PTCHD4: variants seen among roughly 807,000 people sequenced by gnomAD.
PTCHD4 encodes patched domain containing 4, also known as patched domain-containing protein 4.
Under a neutral mutation model 58.1 loss-of-function variants are expected in PTCHD4, and 33 were observed. The ratio of observed to expected loss-of-function variants is 0.57; its 90% CI spans 0.43 to 0.76. The LOEUF is 0.76. PTCHD4 is among the 30% of genes least tolerant of loss of function. The pLI is 0.00. For synonymous variants in PTCHD4, 478 were observed against 409.6 expected (o/e 1.17, Z -2.02); for missense variants, 1,058 against 1,027.1 (o/e 1.03, Z -0.41).
At chr6:47,892,323 A>T (rs1180817381) in intron 4 of PTCHD4, among the ~76,000 whole-genome samples, 3 of 152,262 alleles carry the variant, frequency 2.0e-5, no homozygotes, top group Non-Finnish European at 4.4e-5. Context: ...AAGAACTTGC[A>T]GAAATAACAA....
intron 4 of PTCHD4, among the ~76,000 whole-genome samples, chr6:47,957,240 G>A (rs1294688544): frequency 6.8e-6 from 1 of 147,434 alleles, no homozygotes; most frequent in African/African-American, 2.5e-5. Context: ...AGAGTATGAT[G>A]GTTAAGGTTT....
Position 47,992,395 on chromosome 6 carries a change from C to T in PTCHD4, c.898+16239G>A, listed in dbSNP as rs566118050. Reference sequence around the variant, plus strand: ...AACTGATTACCAGAAGACTTCCTTCCAATTTACATGTTATCACAAAAGATG... The same window carrying T: ...AACTGATTACCAGAAGACTTCCTTCTAATTTACATGTTATCACAAAAGATG... On this transcript the variant is annotated intron_variant, in intron 4 of 4. Transcript: ENST00000339488. 2.0e-5 allele frequency among the ~76,000 whole-genome samples: 3 copies of T among 152,180 alleles called. No individual in the cohort carries two copies. In the East Asian group the frequency reaches 5.8e-4, roughly 29 times the overall value.
intron 3 of PTCHD4, among the ~76,000 whole-genome samples, chr6:48,014,523 A>G (rs1327217515): frequency 1.3e-5 from 2 of 152,160 alleles, no homozygotes; most frequent in East Asian, 1.9e-4. Context: ...TCCTTAGTTC[A>G]TGGCTAATTC....
chr6:48,082,207 G>T (rs1305070561), intron 1 of PTCHD4, among the ~76,000 whole-genome samples: 1 of 152,168 alleles, frequency 6.6e-6, no homozygotes, highest in Admixed American at 6.5e-5. Context: ...GAGTTCAGGA[G>T]TCAGGAAATG....
chr6:47,993,996 T>C (rs1054356068), intron 4 of PTCHD4, among the ~76,000 whole-genome samples: 1 of 152,308 alleles, frequency 6.6e-6, no homozygotes, highest in South Asian at 2.1e-4. Flanking sequence ...TGCCTGACGA[T>C]GGCTGTAGAT....
chr6:48,052,395 T>C (rs568765811), intron 3 of PTCHD4, among the ~76,000 whole-genome samples: 1 of 151,928 alleles, frequency 6.6e-6, no homozygotes, highest in African/African-American at 2.4e-5. Context: ...ACTAGAAGAA[T>C]AACAAATAGC....
intron 4 of PTCHD4, among the ~76,000 whole-genome samples, chr6:47,903,526 G>T (rs9369754): frequency 6.6e-6 from 1 of 151,842 alleles, no homozygotes. Flanking sequence ...TGTTGCCTAG[G>T]CTAGTCTCAA....
At chr6:48,009,322 C>T (rs74667722) in intron 3 of PTCHD4, among the ~76,000 whole-genome samples, 1 of 152,214 alleles carries the variant, frequency 6.6e-6, no homozygotes, top group Non-Finnish European at 1.5e-5. Flanking sequence ...AGAAAATATG[C>T]AAAAAGTATT....
chr6:48,067,551 T>C (rs1764841800), intron 3 of PTCHD4, among the ~76,000 whole-genome samples: 1 of 152,114 alleles, frequency 6.6e-6, no homozygotes, highest in South Asian at 2.1e-4. Flanking sequence ...CCTACTACAT[T>C]CATAACTCAC....
At chr6:47,917,662 A>C (rs1285824171) in intron 4 of PTCHD4, among the ~76,000 whole-genome samples, 1 of 152,172 alleles carries the variant, frequency 6.6e-6, no homozygotes, top group East Asian at 1.9e-4. Flanking sequence ...AAAAGGTCTG[A>C]AATCTTACAA....
At chr6:47,972,705 T>C (rs1375049179) in intron 4 of PTCHD4, among the ~76,000 whole-genome samples, 2 of 152,070 alleles carry the variant, frequency 1.3e-5, no homozygotes, top group East Asian at 3.8e-4. Flanking sequence ...TTTATCCATC[T>C]ATCTTTTTGT....
chr6:47,991,118 G>T (rs557569264), intron 4 of PTCHD4, among the ~76,000 whole-genome samples: 1 of 152,198 alleles, frequency 6.6e-6, no homozygotes, highest in South Asian at 2.1e-4. Flanking sequence ...AAAGCTGATA[G>T]CTTTTTAGAT....
intron 4 of PTCHD4, among the ~76,000 whole-genome samples, chr6:47,888,588 C>G (rs1764271761): frequency 6.6e-6 from 1 of 152,012 alleles, no homozygotes; most frequent in Non-Finnish European, 1.5e-5. Flanking sequence ...ATAGTCTCAT[C>G]CAGAGTTTGC....
chr6:47,936,619 A>G (rs529800225), intron 4 of PTCHD4, among the ~76,000 whole-genome samples: 2 of 152,264 alleles, frequency 1.3e-5, no homozygotes, highest in South Asian at 2.1e-4. Flanking sequence ...TTCTATTTAT[A>G]AGACACAAAC....
intron 1 of PTCHD4, among the ~76,000 whole-genome samples, chr6:48,097,011 C>G (rs1378481684): frequency 1.3e-5 from 2 of 151,994 alleles, no homozygotes; most frequent in African/African-American, 4.8e-5. Flanking sequence ...CAATGTAAAT[C>G]TAGGTAAACT....
intron 4 of PTCHD4, among the ~76,000 whole-genome samples, chr6:47,925,181 A>ATATG (rs1554157235): frequency 9.5e-5 from 14 of 146,852 alleles, no homozygotes; most frequent in African/African-American, 3.5e-4. Context: ...TATTATATAT[A>ATATG]TGTGTGTGTG....
chr6:47,890,320 T>C (rs79680887), intron 4 of PTCHD4, among the ~76,000 whole-genome samples: 12,413 of 152,084 alleles, frequency 0.082, 637 homozygotes, highest in Non-Finnish European at 0.11. Context: ...AAGATTTTCA[T>C]ACTCAAAGTG....
At chr6:48,058,056 T>C (rs1050396997) in intron 3 of PTCHD4, among the ~76,000 whole-genome samples, 5 of 152,272 alleles carry the variant, frequency 3.3e-5, no homozygotes, top group South Asian at 2.1e-4. Flanking sequence ...TAATCTGTTA[T>C]AGTCACCAGA....
chr6:47,862,774 A>T lies in PTCHD4; in HGVS notation c.*15529T>A, dbSNP rs1763462209. ...CTGATTTCCACACAGACCCATTAAT[A>T]CTGTTTCCTTTGGAATTGTAATACT... On this transcript the variant is annotated 3_prime_UTR_variant, in exon 5 of 5. Transcript: ENST00000339488. 6.6e-6 allele frequency among the ~76,000 whole-genome samples: 1 copy of T among 151,882 alleles called. No individual in the cohort carries two copies. Among genetic ancestry groups the T allele is most frequent in the African/African-American group, 2.4e-5 (1 of 41,430 alleles).
Sources: allele counts gnomAD v4.1 joint callset (sites outside exome capture counted in the v4.1 genomes callset), GRCh38; gene constraint gnomAD v4.1.1; transcripts MANE v1.5; gene names NCBI Gene and HGNC (gene_info 2026-07-23, HGNC 2026-07-21).